The following CYBB variants were observed in gnomAD, a reference collection of about 807,000 sequenced individuals.
CYBB encodes the protein NADPH oxidase 2.
Under a neutral mutation model 46.5 loss-of-function variants are expected in CYBB, and 5 were observed. The ratio of observed to expected loss-of-function variants is 0.11; its 90% confidence interval spans 0.06 to 0.23. The LOEUF (loss-of-function observed/expected upper bound fraction) is 0.23. Ranked by LOEUF, CYBB falls within the 10% of genes least tolerant of loss-of-function variation. The pLI, the probability that CYBB is intolerant of heterozygous loss-of-function variation, is 1.00. For missense variants in CYBB, 307 were observed against 428.3 expected, an observed-to-expected ratio of 0.72 and a Z score of 2.50; for synonymous variants, 183 against 156.7, an observed-to-expected ratio of 1.17 and a Z score of -1.26.
intron 4 of CYBB, 138 bp downstream of exon 4, chrX:37,792,197 A>C (rs1321875912): frequency 2.1e-6 from 1 of 483,325 alleles, no homozygotes; most frequent in African/African-American, 2.4e-5. Context: ...AGTTTTGCTC[A>C]AAAGTATTTA....
chrX:37,802,665 TTA>T, intron 8 of CYBB, among the ~76,000 whole-genome samples: 1 of 112,243 alleles, frequency 8.9e-6, no homozygotes. Flanking sequence ...GGGAAGTTTG[TTA>T]TAGTTTTTAT....
chrX:37,785,650 T>C (rs782605123), intron 3 of CYBB, among the ~76,000 whole-genome samples: 5 of 111,648 alleles, frequency 4.5e-5, no homozygotes, highest in Non-Finnish European at 7.5e-5. Context: ...GCTCAAGTGA[T>C]CATCCCTCCT....
intron 8 of CYBB, among the ~76,000 whole-genome samples, chrX:37,801,586 T>TTGTGTGTGTGTGTGTGTG (rs58302662): frequency 9.8e-4 from 83 of 84,569 alleles, no homozygotes; most frequent in African/African-American, 2.7e-3. Context: ...CCCCCACCCA[T>TTGTGTGTGTGTGTGTGTG]TGTGTGTGTG....
chrX:37,796,792 A>G (rs75021370), intron 6 of CYBB, among the ~76,000 whole-genome samples: 1 of 111,934 alleles, frequency 8.9e-6, no homozygotes, highest in African/African-American at 3.2e-5. Flanking sequence ...TAGTAATTGC[A>G]GACAAGAAAC....
intron 11 of CYBB, among the ~76,000 whole-genome samples, chrX:37,807,010 A>G (rs1482033251): frequency 2.7e-5 from 3 of 111,043 alleles, no homozygotes; most frequent in Non-Finnish European, 5.7e-5. Flanking sequence ...AGTAGAAGCC[A>G]TACTTCAGTA....
Position 37,799,068 on chromosome X carries a change from C to T in CYBB, c.788C>T (p.Ala263Val). 8.3e-7 allele frequency: 1 copy of T among 1,207,510 alleles called. No individual in the cohort carries two copies. The highest frequency in any genetic ancestry group is 1.1e-6 in the Non-Finnish European group (1 of 892,020). ...KIKECPIPQFAGNPPMTWKWI... is the reference protein window; with the variant it reads ...KIKECPIPQFVGNPPMTWKWI... ...AAGGAATGCCCAATCCCTCAGTTTG[C>T]TGGAAACCCTCCTATGGTATGTACA... Residue 263 changes from alanine to valine, a missense_variant, in exon 7 of 13, where the codon GCT (alanine) becomes GTT (valine). Physicochemically the swap from Ala to Val is moderately conservative, Grantham distance 64. This residue lies in a region of CYBB where 82 missense variants were observed against 69.9 expected (regional missense o/e 1.17). Transcript: ENST00000378588.
intron 3 of CYBB, among the ~76,000 whole-genome samples, chrX:37,784,925 T>A (rs1304798802): frequency 9.0e-6 from 1 of 111,642 alleles, no homozygotes; most frequent in East Asian, 2.8e-4. Context: ...ACAGAATATT[T>A]GAAGGAGGCA....
At chrX:37,799,887 T>A (rs1929400723) in intron 7 of CYBB, among the ~76,000 whole-genome samples, 1 of 111,568 alleles carries the variant, frequency 9.0e-6, no homozygotes, top group East Asian at 2.8e-4. Context: ...GAGGATTATT[T>A]TTTTTTCCTT....
At chrX:37,797,773 A>G (rs1224265954) in intron 6 of CYBB, among the ~76,000 whole-genome samples, 2 of 112,039 alleles carry the variant, frequency 1.8e-5, no homozygotes, top group African/African-American at 6.5e-5. Flanking sequence ...AAGAAGTTAA[A>G]TAATTTGCCT....
At chrX:37,810,531 G>C (rs35381658) in intron 12 of CYBB, among the ~76,000 whole-genome samples, 1 of 112,224 alleles carries the variant, frequency 8.9e-6, no homozygotes, top group Non-Finnish European at 1.9e-5. Flanking sequence ...TTTTCTCTGT[G>C]ATAGAAGTTT....
At chrX:37,798,310 C>T (rs1184762052) in intron 6 of CYBB, 2 of 112,969 alleles carry the variant, frequency 1.8e-5, no homozygotes, top group Non-Finnish European at 3.7e-5. Flanking sequence ...GGGCTCTGAG[C>T]AATTCAAGGT....
chrX:37,806,308 ACAGAAAGT>A, intron 10 of CYBB, 71 bp from the exon 11 acceptor site: 1 of 1,053,071 alleles, frequency 9.5e-7, no homozygotes, highest in African/African-American at 1.9e-5. Flanking sequence ...AGTTTAGGTG[ACAGAAAGT>A]GGAATTCCAC....
In CYBB at chrX:37,806,486, G is replaced by A. The variant is rs13306300; in HGVS notation, c.1414G>A (p.Gly472Ser). ...ESQMQERNNA[G>S]FLSYNIYLTG... ...CCAGATGCAGGAAAGGAACAATGCC[G>A]GCTTCCTCAGCTACAACATCTACCT... The change falls in exon 11 of 13, where the codon GGC (glycine) becomes AGC (serine). Residue 472 changes from glycine to serine, a missense_variant. Transcript: ENST00000378588. 598 of 1,209,121 alleles carry A rather than the reference G, an allele frequency of 4.9e-4. 2 individuals carry two copies. In the East Asian group the frequency reaches 0.016, roughly 33 times the overall value.
intron 10 of CYBB, among the ~76,000 whole-genome samples, chrX:37,805,538 C>T (rs1247004655): frequency 1.8e-5 from 2 of 111,600 alleles, no homozygotes; most frequent in East Asian, 5.6e-4. Context: ...TGTATAATTT[C>T]ATGTCCTGCT....
At chrX:37,796,226 T>G in intron 6 of CYBB, 85 bp downstream of exon 6, 1 of 818,688 alleles carries the variant, frequency 1.2e-6, no homozygotes, top group Non-Finnish European at 1.8e-6. Context: ...GTGACCTCCT[T>G]GCCTGTGTGT....
chrX:37,810,027 T>TA (rs1350695142), intron 12 of CYBB, among the ~76,000 whole-genome samples: 1 of 112,037 alleles, frequency 8.9e-6, no homozygotes, highest in Non-Finnish European at 1.9e-5. Flanking sequence ...AGATTCAATA[T>TA]AATTTATACA....
intron 2 of CYBB, 136 bp from the exon 3 acceptor site, chrX:37,783,354 G>C (rs573471469): frequency 2.0e-6 from 1 of 499,671 alleles, no homozygotes. Flanking sequence ...AAAACCGTTG[G>C]CTCTGAAGGA....
At chrX:37,785,550 C>T (rs1390582499) in intron 3 of CYBB, among the ~76,000 whole-genome samples, 1 of 111,541 alleles carries the variant, frequency 9.0e-6, no homozygotes, top group African/African-American at 3.3e-5. Context: ...GAAGCCCATG[C>T]ACTATAGCTT....
At chrX:37,802,148 T>C (rs1556470226) in intron 8 of CYBB, among the ~76,000 whole-genome samples, 1 of 111,981 alleles carries the variant, frequency 8.9e-6, no homozygotes, top group African/African-American at 3.2e-5. Context: ...CACAAATTCT[T>C]CCTGTCCTCC....
Sources: gnomAD v4.1 joint callset for allele counts (sites outside exome capture counted in the v4.1 genomes callset) on GRCh38, gnomAD v4.1.1 for gene constraint, gnomAD v4.1.1 regional missense constraint, MANE v1.5 for transcripts, NCBI Gene and HGNC (gene_info 2026-07-23, HGNC 2026-07-21) for gene names.